UNC80: variants seen among roughly 807,000 people sequenced by gnomAD.
The protein encoded by UNC80 is unc-80 subunit of NALCN channel complex.
Under a neutral mutation model 384.6 loss-of-function variants are expected in UNC80, and 164 were observed. The observed-to-expected ratio is 0.43, with a 90% CI of 0.38 to 0.49. UNC80 has a LOEUF of 0.49. UNC80 is among the 20% of genes least tolerant of loss of function. UNC80 has a pLI of 0.00. For synonymous variants in UNC80, 1,486 were observed against 1,527.8 expected, an observed-to-expected ratio of 0.97 and a Z score of 0.64; for missense variants, 3,330 against 4,143.0, an observed-to-expected ratio of 0.80 and a Z score of 5.39.
intron 22 of UNC80, among the ~76,000 whole-genome samples, chr2:209,864,409 C>T (rs895173973): frequency 2.6e-5 from 4 of 152,128 alleles, no homozygotes; most frequent in Non-Finnish European, 2.9e-5. Context: ...GAAACCCACC[C>T]GTCTGGGCTG....
chr2:209,896,156 G>A (rs2086777656), intron 27 of UNC80, among the ~76,000 whole-genome samples, 157 bp from the exon 28 acceptor site: 1 of 152,190 alleles, frequency 6.6e-6, no homozygotes, highest in South Asian at 2.1e-4. Context: ...GACAGCTCCT[G>A]TTAATATTCC....
At chr2:209,778,653 G>A (rs2076997576) in intron 4 of UNC80, among the ~76,000 whole-genome samples, 1 of 152,088 alleles carries the variant, frequency 6.6e-6, no homozygotes, top group Non-Finnish European at 1.5e-5. Flanking sequence ...GCTCTAACAC[G>A]GGGTGAATAT....
chr2:209,985,635 C>T (rs150379713), intron 61 of UNC80, among the ~76,000 whole-genome samples: 1 of 152,324 alleles, frequency 6.6e-6, no homozygotes, highest in Non-Finnish European at 1.5e-5. Flanking sequence ...GCACCTTTAA[C>T]ACTCAGATAA....
chr2:209,949,345 G>A (rs963176880), intron 47 of UNC80, among the ~76,000 whole-genome samples: 1 of 152,090 alleles, frequency 6.6e-6, no homozygotes, highest in African/African-American at 2.4e-5. Flanking sequence ...ACTGGTAAAC[G>A]TTTTAGCAGG....
At chr2:209,815,912 G>A (rs901090419) in intron 9 of UNC80, among the ~76,000 whole-genome samples, 1 of 152,050 alleles carries the variant, frequency 6.6e-6, no homozygotes, top group Non-Finnish European at 1.5e-5. Context: ...TCTCTTTTTT[G>A]TAAGTAATTG....
intron 47 of UNC80, among the ~76,000 whole-genome samples, chr2:209,946,509 G>A (rs2091924878): frequency 6.6e-6 from 1 of 152,110 alleles, no homozygotes; most frequent in African/African-American, 2.4e-5. Flanking sequence ...AGATGCTAAG[G>A]TATTTAGTCT....
chr2:209,837,653 A>G (rs763925753), intron 18 of UNC80, among the ~76,000 whole-genome samples: 1 of 152,214 alleles, frequency 6.6e-6, no homozygotes, highest in Non-Finnish European at 1.5e-5. Flanking sequence ...GTATACCACC[A>G]TATGGAAATC....
chr2:209,963,459 T>A (rs2092655968), intron 51 of UNC80, among the ~76,000 whole-genome samples: 1 of 152,198 alleles, frequency 6.6e-6, no homozygotes. Flanking sequence ...ATTAGAGAAA[T>A]TCAGGTAGTA....
chr2:209,773,278 G>A, intron 2 of UNC80, 136 bp downstream of exon 2: 1 of 752,138 alleles, frequency 1.3e-6, no homozygotes, highest in Non-Finnish European at 2.2e-6. Context: ...CTCTGTGCCA[G>A]GCACAATTCT....
In UNC80 at chr2:209,872,939, A is replaced by G. The variant is rs1314777504; in HGVS notation, c.3809A>G (p.Asn1270Ser). 6.4e-6 allele frequency: 10 copies of G among 1,551,660 alleles called. No individual in the cohort carries two copies. The Admixed American group carries it at 2.0e-4, about 30-fold the overall frequency. Residue 1270 changes from asparagine to serine, a missense_variant, in exon 23 of 65, where the codon AAT becomes AGT. Transcript: ENST00000673920. The surrounding 1 kb of genome is among the most constrained non-coding windows in gnomAD (Gnocchi z 4.1). Reference protein sequence around the residue: ...GNKRNQKLQWNAAKLFYQWGD... With the variant: ...GNKRNQKLQWSAAKLFYQWGD... ...AAGCGAAACCAGAAGCTGCAGTGGA[A>G]TGCAGCCAAGCTCTTCTACCAATGG...
At chr2:209,937,423 TC>T in intron 41 of UNC80, 105 bp from the exon 42 acceptor site, 1 of 826,318 alleles carries the variant, frequency 1.2e-6, no homozygotes. Context: ...GCTGCTTTTC[TC>T]CTGGCATAGC....
chr2:209,993,772 T>G (rs951706097), intron 63 of UNC80, among the ~76,000 whole-genome samples: 4 of 152,234 alleles, frequency 2.6e-5, no homozygotes, highest in African/African-American at 9.6e-5. Context: ...TAGGGACTTT[T>G]AAGTCCTGTT....
intron 29 of UNC80, among the ~76,000 whole-genome samples, chr2:209,907,795 T>C (rs1325168480): frequency 3.3e-5 from 5 of 152,222 alleles, no homozygotes; most frequent in Non-Finnish European, 7.3e-5. Flanking sequence ...ACTTATGTAA[T>C]AGTAGAGCAG....
intron 42 of UNC80, among the ~76,000 whole-genome samples, chr2:209,938,657 T>C (rs1348937421): frequency 6.7e-6 from 1 of 150,356 alleles, no homozygotes; most frequent in East Asian, 2.0e-4. Flanking sequence ...TAATCAATAA[T>C]GGTGCTTGCC....
rs534569368 is a variant in UNC80, at chr2:209,855,535, AAAATCAC to A, written c.3627+5914_3627+5920del. ...CATAGAATTTAAAGAAAAAAATCTA[AAAATCAC>A]ATATCCATGACACAAAACATTTCCA... is the stretch of plus-strand genomic sequence containing the variant. On this transcript the variant is annotated intron_variant, in intron 22 of 64. Coordinates refer to ENST00000673920, the MANE Select transcript of UNC80 (RefSeq NM_001371986.1). Among the ~76,000 whole-genome samples, 176 of 152,284 alleles carry A rather than the reference AAAATCAC, an allele frequency of 1.2e-3. 1 individual carries two copies. The highest frequency in any genetic ancestry group is 2.0e-3 in the Non-Finnish European group (135 of 68,024).
At chr2:209,825,217 A>G (rs1375516693) in intron 13 of UNC80, among the ~76,000 whole-genome samples, 1 of 152,150 alleles carries the variant, frequency 6.6e-6, no homozygotes, top group Non-Finnish European at 1.5e-5. Context: ...GAAATAATTC[A>G]AGGAAGTTCC....
chr2:209,915,641 C>G (rs2089456901), intron 31 of UNC80, among the ~76,000 whole-genome samples: 1 of 152,128 alleles, frequency 6.6e-6, no homozygotes, highest in Non-Finnish European at 1.5e-5. Context: ...CTGAGCCATA[C>G]AGCAATGTTG....
chr2:209,833,431 A>C (rs2081134999), intron 16 of UNC80, among the ~76,000 whole-genome samples: 1 of 152,198 alleles, frequency 6.6e-6, no homozygotes. Context: ...GCCCTACGTC[A>C]CCTTCAGTTT....
At position 209,978,602 on chromosome 2, in the gene UNC80, G is replaced by A. The variant is rs772005058; in HGVS notation, c.9012G>A (p.Met3004Ile). The change falls in exon 59 of 65, where the codon ATG becomes ATA. Residue 3004 changes from methionine to isoleucine, a missense_variant. Met to Ile is a conservative substitution (Grantham distance 10, BLOSUM62 1). Transcript: ENST00000673920. ...TSAYRLSLAT[M>I]SRSNTGTGTV... Reference sequence around the variant, plus strand: ...CTTACCGCCTGAGCTTGGCCACCATGTCCCGCTCTAACACGGGCACGGGCA... The same window carrying A: ...CTTACCGCCTGAGCTTGGCCACCATATCCCGCTCTAACACGGGCACGGGCA... The A allele has an allele frequency of 9.7e-6, 15 of 1,551,564 alleles. No individual in the cohort carries two copies. The South Asian group carries it at 1.8e-4, about 18-fold the overall frequency.
Sources: allele counts gnomAD v4.1 joint callset (sites outside exome capture counted in the v4.1 genomes callset), GRCh38; gene constraint gnomAD v4.1.1; non-coding constraint Gnocchi (gnomAD v3.1); transcripts MANE v1.5; gene names NCBI Gene and HGNC (gene_info 2026-07-23, HGNC 2026-07-21).